Variants in LUZP2 observed in about 807,000 individuals in gnomAD.
The protein encoded by LUZP2 is leucine zipper protein 2.
LUZP2 carries 52 observed loss-of-function variants against 51.6 expected under a neutral mutation model. The observed-to-expected ratio is 1.01, with a 90% confidence interval of 0.81 to 1.27. The LOEUF (loss-of-function observed/expected upper bound fraction) is 1.27, where lower values mean the gene tolerates loss of function less well. Among genes scored for constraint, LUZP2 ranks in the 50% most tolerant of loss-of-function variants. The pLI is 0.00. For synonymous variants in LUZP2, 154 were observed against 137.3 expected (o/e 1.12, Z -0.85); for missense variants, 436 against 395.4 (o/e 1.10, Z -0.87).
intron 4 of LUZP2, among the ~76,000 whole-genome samples, chr11:24,752,979 G>T (rs1859648847): frequency 1.3e-5 from 2 of 151,804 alleles, no homozygotes; most frequent in Non-Finnish European, 2.9e-5. Flanking sequence ...ACAGACAAAA[G>T]AATATAAAGA....
At chr11:24,971,659 A>T (rs1158301753) in intron 7 of LUZP2, among the ~76,000 whole-genome samples, 6 of 152,160 alleles carry the variant, frequency 3.9e-5, no homozygotes, top group Admixed American at 3.9e-4. Context: ...AATTATAAAA[A>T]ATAATTATGG....
chr11:24,923,667 A>T (rs1439184200), intron 7 of LUZP2, among the ~76,000 whole-genome samples: 1 of 152,128 alleles, frequency 6.6e-6, no homozygotes, highest in African/African-American at 2.4e-5. Context: ...ACTGCACTCC[A>T]GCCTGGCACA....
chr11:24,932,251 G>C (rs1854476337), intron 7 of LUZP2, among the ~76,000 whole-genome samples: 1 of 152,274 alleles, frequency 6.6e-6, no homozygotes, highest in South Asian at 2.1e-4. Context: ...CCAGGAAATG[G>C]CACATTCAAG....
At chr11:24,960,249 A>T (rs1855351222) in intron 7 of LUZP2, among the ~76,000 whole-genome samples, 4 of 152,158 alleles carry the variant, frequency 2.6e-5, no homozygotes, top group Admixed American at 1.3e-4. Context: ...TGCTATCAGG[A>T]TGATGCTGGC....
intron 5 of LUZP2, among the ~76,000 whole-genome samples, chr11:24,795,532 A>T (rs549399548): frequency 6.6e-6 from 1 of 152,288 alleles, no homozygotes; most frequent in South Asian, 2.1e-4. Context: ...AAATTAAGGT[A>T]CTGGGCTCAT....
intron 7 of LUZP2, among the ~76,000 whole-genome samples, chr11:24,926,281 A>T (rs1854237618): frequency 1.4e-5 from 1 of 69,252 alleles, no homozygotes; most frequent in African/African-American, 4.6e-5. Context: ...ACGTGTATAT[A>T]TATATACGTG....
At chr11:24,668,024 G>A (rs1169220566) in intron 1 of LUZP2, among the ~76,000 whole-genome samples, 2 of 152,204 alleles carry the variant, frequency 1.3e-5, no homozygotes, top group African/African-American at 4.8e-5. Context: ...CCACAGGATG[G>A]TAAGTGCTGT....
In LUZP2 at chr11:24,800,554, T is replaced by A. The variant is rs920328977; in HGVS notation, c.396+37246T>A. Among the ~76,000 whole-genome samples, 7 of 131,314 alleles carry A rather than the reference T, an allele frequency of 5.3e-5. No homozygotes were observed. In the South Asian group the frequency reaches 7.5e-4, roughly 14 times the overall value. 86.1% of individuals were successfully genotyped at this position (131,314 alleles called of 152,430 possible). A position where few individuals can be genotyped will look rare whatever the true frequency, so the allele number is the denominator to read the frequency against. ...ATCATTTAACTCAAAAAAAAAAAAA[T>A]ACAAAAAAACAAAAAAACCCAAAAA... is the stretch of plus-strand genomic sequence containing the variant. On this transcript the variant is annotated intron_variant, in intron 5 of 11. Coordinates refer to ENST00000336930, the MANE Select transcript of LUZP2 (RefSeq NM_001009909.4).
At position 25,022,848 on chromosome 11, in the gene LUZP2, T is replaced by C. The variant is rs181219555; in HGVS notation, c.766-27190T>C. On this transcript the variant is annotated intron_variant, in intron 9 of 11. Coordinates refer to ENST00000336930, the MANE Select transcript of LUZP2 (RefSeq NM_001009909.4). The stretch of plus-strand genomic sequence containing the variant: ...ATCAATACCTAGTTTATTGAGAGTT[T>C]CTGGCATGAAAGGCTGTTGAATTTT... Among the ~76,000 whole-genome samples, 89 of 152,280 alleles carry C rather than the reference T, an allele frequency of 5.8e-4. No individual in the cohort carries two copies. The East Asian group carries it at 0.015, about 25-fold the overall frequency.
chr11:24,841,571 A>G (rs1343802714), intron 5 of LUZP2, among the ~76,000 whole-genome samples: 1 of 152,110 alleles, frequency 6.6e-6, no homozygotes, highest in Non-Finnish European at 1.5e-5. Context: ...CTGTCTCAAT[A>G]CATTTAAATT....
chr11:24,651,146 G>T (rs563120496), intron 1 of LUZP2, among the ~76,000 whole-genome samples: 1 of 151,936 alleles, frequency 6.6e-6, no homozygotes, highest in Admixed American at 6.6e-5. Context: ...CATTTATTTT[G>T]TAAACTGTAC....
In LUZP2 at chr11:24,931,080, G is replaced by A. The variant is rs191368247; in HGVS notation, c.522+16542G>A. 3.9e-3 allele frequency among the ~76,000 whole-genome samples: 593 copies of A among 151,834 alleles called. 7 individuals carry two copies. The highest frequency in any genetic ancestry group is 0.012 in the African/African-American group (487 of 41,422). On this transcript the variant is annotated intron_variant, in intron 7 of 11. Transcript: ENST00000336930. ...ACAAAAATTGGCTGGGCATGGTGGC[G>A]CGTGCCTGTAATCCCACCTACTCGG...
chr11:24,628,666 C>A (rs1462211213), intron 1 of LUZP2, among the ~76,000 whole-genome samples: 1 of 152,156 alleles, frequency 6.6e-6, no homozygotes, highest in Non-Finnish European at 1.5e-5. Context: ...TCAGGCGATT[C>A]TCTTGCCTCA....
At chr11:25,037,147 G>A (rs972280784) in intron 9 of LUZP2, among the ~76,000 whole-genome samples, 1 of 152,240 alleles carries the variant, frequency 6.6e-6, no homozygotes, top group South Asian at 2.1e-4. Context: ...AGTGTTGGGT[G>A]TGCATATATT....
At chr11:24,578,477 A>T (rs1852733992) in intron 1 of LUZP2, among the ~76,000 whole-genome samples, 1 of 152,068 alleles carries the variant, frequency 6.6e-6, no homozygotes, top group East Asian at 1.9e-4. Flanking sequence ...CTAATTCCAC[A>T]TGCATGCATA....
At chr11:25,071,982 C>A (rs2134056076) in intron 10 of LUZP2, among the ~76,000 whole-genome samples, 1 of 152,086 alleles carries the variant, frequency 6.6e-6, no homozygotes, top group African/African-American at 2.4e-5. Flanking sequence ...CTATGTCACG[C>A]ACATACACTA....
chr11:24,951,463 G>A (rs934698123), intron 7 of LUZP2, among the ~76,000 whole-genome samples: 3 of 151,218 alleles, frequency 2.0e-5, no homozygotes, highest in African/African-American at 2.4e-5. Flanking sequence ...TATATTTTAC[G>A]ATTATTTTTC....
chr11:25,041,743 C>T (rs1228999332), intron 9 of LUZP2, among the ~76,000 whole-genome samples: 1 of 152,114 alleles, frequency 6.6e-6, no homozygotes, highest in African/African-American at 2.4e-5. Context: ...CTTGAGTATT[C>T]TTCAGCGCAG....
chr11:24,773,143 A>T (rs577692013), intron 5 of LUZP2, among the ~76,000 whole-genome samples: 4 of 151,868 alleles, frequency 2.6e-5, no homozygotes, highest in African/African-American at 9.7e-5. Flanking sequence ...CTATCAATGG[A>T]AGTATCCTAA....
Sources: allele counts gnomAD v4.1 joint callset (sites outside exome capture counted in the v4.1 genomes callset), GRCh38; gene constraint gnomAD v4.1.1; transcripts MANE v1.5; gene names NCBI Gene and HGNC (gene_info 2026-07-23, HGNC 2026-07-21).